SETX: variants seen among roughly 807,000 people sequenced by gnomAD.
SETX encodes the protein helicase senataxin.
A neutral mutation model predicts 227.2 loss-of-function variants in SETX; 90 were observed. The observed-to-expected ratio is 0.40, with a 90% confidence interval of 0.33 to 0.47. The LOEUF is 0.47. Ranked by LOEUF, SETX falls within the 20% of genes least tolerant of loss-of-function variation. The pLI is 0.91. For missense variants in SETX, 3,052 were observed against 3,181.5 expected (o/e 0.96, Z 0.98); for synonymous variants, 1,210 against 1,113.2 (o/e 1.09, Z -1.73).
Position 132,346,390 on chromosome 9 carries a change from A to T in SETX, c.259T>A (p.Leu87Ile), listed in dbSNP as rs1424701796. ...TCTCCATTATTGTCTACTATATATAACTCATCATCATCTCCAATTTCTGCC... is the reference window on the plus strand; with the variant it reads ...TCTCCATTATTGTCTACTATATATATCTCATCATCATCTCCAATTTCTGCC... ...MKAEIGDDDE[L>I]YIVDNNGEMP... Residue 87 changes from leucine (L) to isoleucine (I), a missense_variant, in exon 4 of 26, where the codon TTA becomes ATA. Around this residue, in one of 10 missense-constraint regions of SETX, gnomAD observed 152 missense variants for 156.2 expected, o/e 0.97. Transcript: ENST00000224140. The T allele has an allele frequency of 6.2e-7, 1 of 1,613,786 alleles. No individual in the cohort carries two copies. The highest frequency in any genetic ancestry group is 1.1e-5 in the South Asian group (1 of 91,074).
chr9:132,299,571 A>G (rs1844865770), intron 12 of SETX, among the ~76,000 whole-genome samples: 1 of 152,234 alleles, frequency 6.6e-6, no homozygotes, highest in South Asian at 2.1e-4. Context: ...TTAATATATC[A>G]TGCAAAAAGG....
At position 132,329,813 on chromosome 9, in the gene SETX, T is replaced by C; in HGVS notation, c.1785A>G (p.Ile595Met). ...TGTTACATGGAGGTGCTTTGAATTT[T>C]ATGTTTCTAATAATTTGCTTTAAGC... ...QSCLKQIIRN[I>M]KFKAPPCNTF... is the part of the protein sequence containing the mutation. The change falls in exon 10 of 26, where the codon ATA becomes ATG. Residue 595 changes from isoleucine (I) to methionine (M), a missense_variant. This residue lies in a region of SETX where 1,483 missense variants were observed against 1,312.0 expected (regional missense o/e 1.13). Coordinates refer to ENST00000224140, the MANE Select transcript of SETX (RefSeq NM_015046.7). 2 of 1,614,034 alleles carry C rather than the reference T, an allele frequency of 1.2e-6. No individual in the cohort carries two copies. Among genetic ancestry groups the C allele is most frequent in the Non-Finnish European group, 1.7e-6 (2 of 1,179,976 alleles).
At position 132,341,509 on chromosome 9, in the gene SETX, C is replaced by T. The variant is rs929646295; in HGVS notation, c.498+1181G>A. On this transcript the variant is annotated intron_variant, in intron 5 of 25. Transcript: ENST00000224140. ...CTGCTTTCTATCCATCCTTGAGAGT[C>T]CTGCTCCAGAACTAGGTCTACTATC... 4.6e-5 allele frequency among the ~76,000 whole-genome samples: 7 copies of T among 152,272 alleles called. No homozygotes were observed. In the East Asian group the frequency reaches 1.4e-3, roughly 29 times the overall value.
At chr9:132,269,827 CAGTG>C (rs1392626782) in intron 24 of SETX, 125 bp from the exon 25 acceptor site, 14 of 954,834 alleles carry the variant, frequency 1.5e-5, no homozygotes, top group Non-Finnish European at 1.7e-5. Context: ...TTGAATGACT[CAGTG>C]AGCCCGAGAC....
At chr9:132,316,086 T>C (rs3758350) in intron 10 of SETX, among the ~76,000 whole-genome samples, 22,006 of 152,106 alleles carry the variant, frequency 0.14, 2,273 homozygotes, top group East Asian at 0.43. Flanking sequence ...CTATATCCTA[T>C]AAATGACATC....
At chr9:132,322,411 ACTACT>A (rs1465197550) in intron 10 of SETX, among the ~76,000 whole-genome samples, 1 of 151,940 alleles carries the variant, frequency 6.6e-6, no homozygotes, top group Non-Finnish European at 1.5e-5. Flanking sequence ...TCCCCTGACT[ACTACT>A]CATCTTTCTG....
intron 21 of SETX, among the ~76,000 whole-genome samples, chr9:132,277,365 A>G (rs1007767208): frequency 2.6e-5 from 4 of 152,224 alleles, no homozygotes; most frequent in Non-Finnish European, 5.9e-5. Flanking sequence ...TCATTAAAAT[A>G]TAACAAGTAT....
chr9:132,319,428 C>G (rs1846193406), intron 10 of SETX, among the ~76,000 whole-genome samples: 1 of 152,222 alleles, frequency 6.6e-6, no homozygotes, highest in Non-Finnish European at 1.5e-5. Flanking sequence ...TCTCACTGAA[C>G]TGAGAATGAA....
At chr9:132,310,327 A>T (rs1472121340) in intron 11 of SETX, among the ~76,000 whole-genome samples, 1 of 152,270 alleles carries the variant, frequency 6.6e-6, no homozygotes, top group Admixed American at 6.5e-5. Context: ...ATAATTTTGT[A>T]CAATAGGCTT....
chr9:132,312,488 C>T (rs1845720770), intron 10 of SETX, among the ~76,000 whole-genome samples: 1 of 152,140 alleles, frequency 6.6e-6, no homozygotes, highest in African/African-American at 2.4e-5. Context: ...ACCTTTTGGG[C>T]CCTAAGGAGG....
upstream of SETX, among the ~76,000 whole-genome samples, chr9:132,356,673 A>G (rs1416295717): frequency 2.0e-5 from 3 of 152,136 alleles, no homozygotes; most frequent in Non-Finnish European, 4.4e-5. Context: ...AGCCTTACCG[A>G]GGAGAACCCT....
rs917088732 is a variant in SETX at position 132,289,799 on chromosome 9, C to T, written c.6107-1148G>A. On this transcript the variant is annotated intron_variant, in intron 15 of 25. Coordinates refer to ENST00000224140, the MANE Select transcript of SETX (RefSeq NM_015046.7). ...GAACTATAAAAACCAATTTAACCTGCCTGTTTACTAACCACATTTTAATCT... is the reference window on the plus strand; with the variant it reads ...GAACTATAAAAACCAATTTAACCTGTCTGTTTACTAACCACATTTTAATCT... Among the ~76,000 whole-genome samples, 86 of 152,286 alleles carry T rather than the reference C, an allele frequency of 5.6e-4. 1 individual carries two copies. Among genetic ancestry groups the T allele is most frequent in the Admixed American group, 3.3e-4 (5 of 15,298 alleles).
chr9:132,264,264 CTGCTGT>C lies in SETX; in HGVS notation c.8003_8008del (p.Asp2668_Ser2670delinsGly). On this transcript the variant is annotated inframe_deletion, in exon 26 of 26. Coordinates refer to ENST00000224140, the MANE Select transcript of SETX (RefSeq NM_015046.7). ...CTATAAAAGCTTTCTTTTCTTGGAA[CTGCTGT>C]CCTCCTGCTCCAGTGTCCTCTTGTC... The C allele has an allele frequency of 6.2e-7, 1 of 1,614,208 alleles. No individual in the cohort carries two copies. Among genetic ancestry groups the C allele is most frequent in the Non-Finnish European group, 8.5e-7 (1 of 1,180,048 alleles).
chr9:132,304,247 G>A (rs1369274115), intron 11 of SETX, among the ~76,000 whole-genome samples: 1 of 152,136 alleles, frequency 6.6e-6, no homozygotes, highest in Non-Finnish European at 1.5e-5. Flanking sequence ...ATGGTCCATG[G>A]GGTTTGAACT....
chr9:132,310,863 GAATA>G (rs929243913), intron 11 of SETX, among the ~76,000 whole-genome samples: 30 of 152,186 alleles, frequency 2.0e-4, no homozygotes, highest in African/African-American at 5.6e-4. Context: ...TTCACTTAAT[GAATA>G]AATATATCTT....
rs138440324 is a variant in SETX at position 132,339,410 on chromosome 9, G to A, written c.499-2895C>T. ...AGAGATTACAGTGAGCTGTCATCAC[G>A]CCACTGCACTCCAGCCTGGGTGACA... On this transcript the variant is annotated intron_variant, in intron 5 of 25. Coordinates refer to ENST00000224140, the MANE Select transcript of SETX (RefSeq NM_015046.7). Among the ~76,000 whole-genome samples the A allele has an allele frequency of 1.2e-4, 18 of 152,240 alleles. No homozygotes were observed. The East Asian group carries it at 1.7e-3, about 15-fold the overall frequency.
chr9:132,302,069 A>T (rs1845027898), intron 11 of SETX, among the ~76,000 whole-genome samples: 1 of 152,228 alleles, frequency 6.6e-6, no homozygotes, highest in African/African-American at 2.4e-5. Flanking sequence ...AAATACCAGC[A>T]GATGGCCGCC....
At chr9:132,340,627 C>T (rs934197670) in intron 5 of SETX, among the ~76,000 whole-genome samples, 5 of 152,206 alleles carry the variant, frequency 3.3e-5, no homozygotes, top group Non-Finnish European at 5.9e-5. Context: ...CATTAGAAGA[C>T]ACTACTGGGC....
chr9:132,303,339 C>CA (rs76538209), intron 11 of SETX, among the ~76,000 whole-genome samples: 5,147 of 61,522 alleles, frequency 0.084, 194 homozygotes, highest in African/African-American at 0.15. Context: ...TTTAAAAAAG[C>CA]AAAAAAAAAA....
Sources: gnomAD v4.1 joint callset for allele counts (sites outside exome capture counted in the v4.1 genomes callset) on GRCh38, gnomAD v4.1.1 for gene constraint, gnomAD v4.1.1 regional missense constraint, MANE v1.5 for transcripts, NCBI Gene and HGNC (gene_info 2026-07-23, HGNC 2026-07-21) for gene names.